Variants in ARHGEF1 observed in about 807,000 individuals in gnomAD.
The protein encoded by ARHGEF1 is 115 kDa guanine nucleotide exchange factor.
ARHGEF1 carries 40 observed loss-of-function variants against 119.7 expected under a neutral mutation model. That is an observed-to-expected ratio of 0.33 (90% CI 0.26 to 0.44). The LOEUF (loss-of-function observed/expected upper bound fraction) is 0.44, where lower values mean the gene tolerates loss of function less well. Ranked by LOEUF, ARHGEF1 falls within the 20% of genes least tolerant of loss-of-function variation. The pLI, the probability that ARHGEF1 is intolerant of heterozygous loss-of-function variation, is 1.00. For synonymous variants in ARHGEF1, 494 were observed against 521.0 expected (o/e 0.95, Z 0.71); for missense variants, 976 against 1,268.3 (o/e 0.77, Z 3.50).
chr19:41,897,455 C>CTCCCCTTCACTCCCTGTGAGGGGTGGG, intron 13 of ARHGEF1: 1 of 562,032 alleles, frequency 1.8e-6, no homozygotes, highest in Non-Finnish European at 2.6e-6. Context: ...ATCACCCTCC[C>CTCCCCTTCACTCCCTGTGAGGGGTGGG]AGTTGAAGAG....
rs1555846487 is a variant in ARHGEF1 at position 41,892,644 on chromosome 19, C to T, written c.409C>T (p.Arg137Trp). 1.2e-6 allele frequency: 2 copies of T among 1,612,230 alleles called. No homozygotes were observed. Among genetic ancestry groups the T allele is most frequent in the African/African-American group, 1.3e-5 (1 of 75,042 alleles). The change falls in exon 7 of 29, where the codon CGG becomes TGG. Residue 137 changes from arginine (R) to tryptophan (W), a missense_variant. This residue lies in a region of ARHGEF1 where 519 missense variants were observed against 580.9 expected (regional missense o/e 0.89). Transcript: ENST00000354532. The surrounding 1 kb of genome is among the most constrained non-coding windows in gnomAD (Gnocchi z 6.3). Reference sequence around the variant, plus strand: ...CCTCATCTCCGAGGATGTCCAGCGGCGGTTCGTGCAGGAGGTGGTGCAAAG... The same window carrying T: ...CCTCATCTCCGAGGATGTCCAGCGGTGGTTCGTGCAGGAGGTGGTGCAAAG... Reference protein sequence around the residue: ...ADLISEDVQRRFVQEVVQSQQ... With the variant: ...ADLISEDVQRWFVQEVVQSQQ...
chr19:41,929,084 C>G (rs1555853625), intron 2 of ARHGEF1: 1 of 321,356 alleles, frequency 3.1e-6, no homozygotes, highest in Non-Finnish European at 6.4e-6. Context: ...ACGCAGCACA[C>G]ACATGCGGAC....
chr19:41,902,084 C>A lies in ARHGEF1; in HGVS notation c.1414+51C>A, dbSNP rs1052767527. 6.2e-7 allele frequency: 1 copy of A among 1,605,600 alleles called. No individual in the cohort carries two copies. The highest frequency in any genetic ancestry group is 8.5e-7 in the Non-Finnish European group (1 of 1,175,058). ...GTGTACCCCACTGCCCCACGGGCAG[C>A]TCTGCTCTAGCCCTGGGTTCAACCT... On this transcript the variant is annotated intron_variant, in intron 15 of 28. Coordinates refer to ENST00000354532, the MANE Select transcript of ARHGEF1 (RefSeq NM_004706.4). The surrounding 1 kb of genome is among the most constrained non-coding windows in gnomAD (Gnocchi z 6.5).
At chr19:41,896,995 G>A (rs2074511678) in intron 13 of ARHGEF1, 3 of 412,050 alleles carry the variant, frequency 7.3e-6, no homozygotes, top group South Asian at 4.9e-5. Context: ...CTCTCACCTG[G>A]GTTTTCTTTC....
Position 41,883,916 on chromosome 19 carries a change from C to T in ARHGEF1, c.-20+627C>T, listed in dbSNP as rs1247191710. 1.3e-5 allele frequency among the ~76,000 whole-genome samples: 2 copies of T among 152,160 alleles called. No individual in the cohort carries two copies. Among genetic ancestry groups the T allele is most frequent in the African/African-American group, 4.8e-5 (2 of 41,430 alleles). On this transcript the variant is annotated intron_variant, in intron 1 of 28. Coordinates refer to ENST00000354532, the MANE Select transcript of ARHGEF1 (RefSeq NM_004706.4). This position sits in a 1 kb window ranked among gnomAD's most constrained non-coding sequence, Gnocchi z 7.6. ...ACTGAGGTCTACAGAGAAGTCATTA[C>T]TTTTTGCAGATTACACTGCATGTCA... is the stretch of plus-strand genomic sequence containing the variant.
rs746575313 is a variant in ARHGEF1, at chr19:41,898,335, G to A, written c.1122-107G>A. ...TGGTCTGCTGCACGGGCCACCCTGC[G>A]GGCATCGAATGCCAAGGCCACTGAC... On this transcript the variant is annotated intron_variant, in intron 13 of 28. Coordinates refer to ENST00000354532, the MANE Select transcript of ARHGEF1 (RefSeq NM_004706.4). The A allele has an allele frequency of 2.6e-5, 39 of 1,502,450 alleles. No individual in the cohort carries two copies. In the East Asian group the frequency reaches 2.9e-4, roughly 11 times the overall value. 93.1% of individuals were successfully genotyped at this position (1,502,450 alleles called of 1,614,324 possible). A position where few individuals can be genotyped will look rare whatever the true frequency, so the allele number is the denominator to read the frequency against.
Position 41,904,890 on chromosome 19 carries a change from G to C in ARHGEF1, c.2162-59G>C. 6.9e-7 allele frequency: 1 copy of C among 1,450,088 alleles called. No homozygotes were observed. The highest frequency in any genetic ancestry group is 9.7e-7 in the Non-Finnish European group (1 of 1,031,862). 89.8% of individuals were successfully genotyped at this position (1,450,088 alleles called of 1,614,324 possible). ...GGTGACTTCTCCAGCTTGTGCTTAG[G>C]GAGGGGCAGGCACTGGGGGGACCTG... On this transcript the variant is annotated intron_variant, in intron 22 of 28. Coordinates refer to ENST00000354532, the MANE Select transcript of ARHGEF1 (RefSeq NM_004706.4). This position sits in a 1 kb window ranked among gnomAD's most constrained non-coding sequence, Gnocchi z 8.4.
At chr19:41,921,332 G>A (rs1340882042), upstream of ARHGEF1, among the ~76,000 whole-genome samples, 3 of 152,152 alleles carry the variant, frequency 2.0e-5, no homozygotes, top group African/African-American at 4.8e-5. This position sits in a 1 kb window ranked among gnomAD's most constrained non-coding sequence, Gnocchi z 4.4. Context: ...AGAACTGAGA[G>A]GAAGCAGGAG....
At chr19:41,921,251 G>A (rs1599679434), upstream of ARHGEF1, among the ~76,000 whole-genome samples, 1 of 152,170 alleles carries the variant, frequency 6.6e-6, no homozygotes, top group African/African-American at 2.4e-5. The surrounding 1 kb of genome is among the most constrained non-coding windows in gnomAD (Gnocchi z 4.4). Flanking sequence ...TGGAGGTTGG[G>A]GTGGGGGGCA....
chr19:41,899,126 G>GTC (rs2074558312), intron 14 of ARHGEF1, among the ~76,000 whole-genome samples: 1 of 152,048 alleles, frequency 6.6e-6, no homozygotes, highest in South Asian at 2.1e-4. Flanking sequence ...CCGAGTAGCT[G>GTC]AACAGGCATG....
At position 41,907,275 on chromosome 19, in the gene ARHGEF1, C is replaced by T; in HGVS notation, c.*188C>T. 1.3e-6 allele frequency: 2 copies of T among 1,527,530 alleles called. No individual in the cohort carries two copies. Among genetic ancestry groups the T allele is most frequent in the East Asian group, 2.5e-5 (1 of 40,688 alleles). The allele number at this position is 1,527,530 out of a possible 1,614,324, so 94.6% of individuals were successfully genotyped here. On this transcript the variant is annotated 3_prime_UTR_variant, in exon 29 of 29. Coordinates refer to ENST00000354532, the MANE Select transcript of ARHGEF1 (RefSeq NM_004706.4). ...CCCCGCATGAGCCTCGGCCATCTCT[C>T]CCTCCTGCCCTCTGCTTGGGGGACT...
In ARHGEF1 at chr19:41,904,962, C is replaced by A; in HGVS notation, c.2175C>A (p.Phe725Leu). The A allele has an allele frequency of 6.2e-7, 1 of 1,614,104 alleles. No individual in the cohort carries two copies. The highest frequency in any genetic ancestry group is 8.5e-7 in the Non-Finnish European group (1 of 1,179,952). The part of the protein sequence containing the change: ...TREVATDHKA[F>L]YVLFTWDQEA... ...CTCTCCCTGCAGATCACAAAGCCTT[C>A]TACGTCCTTTTTACCTGGGACCAGG... is the stretch of plus-strand genomic sequence containing the variant. The change falls in exon 23 of 29, where the codon TTC (phenylalanine) becomes TTA (leucine). Residue 725 changes from phenylalanine (F) to leucine (L), a missense_variant. Physicochemically the swap from Phe to Leu is conservative, Grantham distance 22 (BLOSUM62 0). Coordinates refer to ENST00000354532, the MANE Select transcript of ARHGEF1 (RefSeq NM_004706.4). This position sits in a 1 kb window ranked among gnomAD's most constrained non-coding sequence, Gnocchi z 8.4.
Position 41,905,728 on chromosome 19 carries a change from G to C in ARHGEF1, c.2337-32G>C, listed in dbSNP as rs1004911908. The C allele has an allele frequency of 1.2e-6, 2 of 1,612,700 alleles. No individual in the cohort carries two copies. Among genetic ancestry groups the C allele is most frequent in the Non-Finnish European group, 1.7e-6 (2 of 1,179,382 alleles). ...CCCCTGCGGCCCCCCAGGGCCAGGGGTGTGGGGTCACCCAGCACTTCCTCC... is the reference window on the plus strand; with the variant it reads ...CCCCTGCGGCCCCCCAGGGCCAGGGCTGTGGGGTCACCCAGCACTTCCTCC... On this transcript the variant is annotated intron_variant, in intron 24 of 28. Coordinates refer to ENST00000354532, the MANE Select transcript of ARHGEF1 (RefSeq NM_004706.4). The surrounding 1 kb of genome is among the most constrained non-coding windows in gnomAD (Gnocchi z 6.4).
chr19:41,895,426 C>A lies in ARHGEF1; in HGVS notation c.955C>A (p.Gln319Lys), dbSNP rs1262484120. 9 of 1,612,724 alleles carry A rather than the reference C, an allele frequency of 5.6e-6. No individual in the cohort carries two copies. The highest frequency in any genetic ancestry group is 7.6e-6 in the Non-Finnish European group (9 of 1,179,610). Residue 319 changes from glutamine to lysine, a missense_variant, in exon 12 of 29, where the codon CAG becomes AAG. Physicochemically the swap from Gln to Lys is moderately conservative, Grantham distance 53 (BLOSUM62 1). Coordinates refer to ENST00000354532, the MANE Select transcript of ARHGEF1 (RefSeq NM_004706.4). ...GGACCGGAATATCGGGGCTCCTGGG[C>A]AGGACACCCCTGGAGTCTCTCTGCA... is the stretch of plus-strand genomic sequence containing the variant. ...SRDRNIGAPGQDTPGVSLHPL... is the reference protein window; with the variant it reads ...SRDRNIGAPGKDTPGVSLHPL...
In ARHGEF1 at chr19:41,904,448, G is replaced by A; in HGVS notation, c.2161+65G>A. On this transcript the variant is annotated intron_variant, in intron 22 of 28. Transcript: ENST00000354532. The surrounding 1 kb of genome is among the most constrained non-coding windows in gnomAD (Gnocchi z 8.4). ...TTTTTTGGGCAGAGCTGCCTGTGGA[G>A]TGGGGAGCAGAACCCTCTAGAGAGC... is the stretch of plus-strand genomic sequence containing the variant. 6.8e-7 allele frequency: 1 copy of A among 1,476,138 alleles called. No homozygotes were observed. The highest frequency in any genetic ancestry group is 9.0e-7 in the Non-Finnish European group (1 of 1,110,368). The allele number at this position is 1,476,138 out of a possible 1,614,324, so 91.4% of individuals were successfully genotyped here.
downstream of ARHGEF1, chr19:41,909,044 A>G (rs1340665768): frequency 1.1e-5 from 13 of 1,218,060 alleles, no homozygotes; most frequent in African/African-American, 1.7e-4. This position sits in a 1 kb window ranked among gnomAD's most constrained non-coding sequence, Gnocchi z 5.2. Context: ...GCACCCCAGA[A>G]CCTCCAGGCT....
Position 41,917,649 on chromosome 19 carries a change from C to T in ARHGEF1, c.1866-5443C>T, listed in dbSNP as rs1261975412. Among the ~76,000 whole-genome samples, 2 of 151,964 alleles carry T rather than the reference C, an allele frequency of 1.3e-5. No homozygotes were observed. Among genetic ancestry groups the T allele is most frequent in the Admixed American group, 1.3e-4 (2 of 15,258 alleles). ...CACACACCATGCCCCAAAGCACACG[C>T]ACGCACGCACACACACACCCTGACT... On this transcript the variant is annotated intron_variant, in intron 18 of 20. Transcript: ENST00000599589. This position sits in a 1 kb window ranked among gnomAD's most constrained non-coding sequence, Gnocchi z 4.8.
chr19:41,926,705 G>T (rs557634942), intron 1 of ARHGEF1, among the ~76,000 whole-genome samples: 2 of 150,778 alleles, frequency 1.3e-5, no homozygotes, highest in South Asian at 4.1e-4. Context: ...GGCCGCGGCG[G>T]CCGGCCGGGA....
chr19:41,923,349 G>A (rs1555852842), intron 1 of ARHGEF1: 1 of 355,412 alleles, frequency 2.8e-6, no homozygotes. Context: ...CCAGGATATG[G>A]AGAAACTGAG....
Sources: allele counts gnomAD v4.1 joint callset (sites outside exome capture counted in the v4.1 genomes callset), GRCh38; gene constraint gnomAD v4.1.1; regional missense constraint gnomAD v4.1.1; non-coding constraint Gnocchi (gnomAD v3.1); transcripts MANE v1.5; gene names NCBI Gene and HGNC (gene_info 2026-07-23, HGNC 2026-07-21).